DOCK11: variants seen among roughly 807,000 people sequenced by gnomAD.
DOCK11 encodes dedicator of cytokinesis protein 11.
DOCK11 carries 70 observed loss-of-function variants against 169.1 expected under a neutral mutation model. That is an observed-to-expected ratio of 0.41 (90% CI 0.34 to 0.51). The LOEUF is 0.51. Ranked by LOEUF, DOCK11 falls within the 20% of genes least tolerant of loss-of-function variation. The pLI is 0.10. For synonymous variants in DOCK11, 529 were observed against 541.3 expected, an observed-to-expected ratio of 0.98 and a Z score of 0.32; for missense variants, 1,166 against 1,538.8, an observed-to-expected ratio of 0.76 and a Z score of 4.05.
At chrX:118,610,214 G>A in intron 27 of DOCK11, 58 bp from the exon 28 acceptor site, 1 of 1,117,921 alleles carries the variant, frequency 8.9e-7, no homozygotes, top group East Asian at 3.0e-5. Flanking sequence ...AAGTAAAAAT[G>A]GCAATTGATT....
Position 118,649,017 on chromosome X carries a change from A to T in DOCK11, c.4471A>T (p.Thr1491Ser). 3 of 1,209,264 alleles carry T rather than the reference A, an allele frequency of 2.5e-6. No homozygotes were observed. Among genetic ancestry groups the T allele is most frequent in the Non-Finnish European group, 3.4e-6 (3 of 893,846 alleles). Residue 1491 changes from threonine to serine, a missense_variant, in exon 41 of 53, where the codon ACA becomes TCA. Thr to Ser is a moderately conservative substitution (Grantham distance 58). Coordinates refer to ENST00000276202, the MANE Select transcript of DOCK11 (RefSeq NM_144658.4). ...AFCYEVLKCCTSKISSTRNEA... is the reference protein window; with the variant it reads ...AFCYEVLKCCSSKISSTRNEA... ...TTGCTATGAGGTTTTAAAGTGCTGCACATCGAAGATTAGCTCAACCAGGAA... is the reference window on the plus strand; with the variant it reads ...TTGCTATGAGGTTTTAAAGTGCTGCTCATCGAAGATTAGCTCAACCAGGAA...
chrX:118,505,242 G>T (rs917197604), intron 1 of DOCK11, among the ~76,000 whole-genome samples: 2 of 112,006 alleles, frequency 1.8e-5, no homozygotes, highest in African/African-American at 6.5e-5. Flanking sequence ...GGCCAGGCTG[G>T]TCTCGAACTC....
intron 1 of DOCK11, among the ~76,000 whole-genome samples, chrX:118,531,055 G>A (rs2011524358): frequency 9.0e-6 from 1 of 111,436 alleles, no homozygotes; most frequent in South Asian, 3.8e-4. Flanking sequence ...CTAACCATTG[G>A]AATGAAGAGC....
At chrX:118,528,329 G>T (rs1332660151) in intron 1 of DOCK11, among the ~76,000 whole-genome samples, 1 of 112,421 alleles carries the variant, frequency 8.9e-6, no homozygotes, top group East Asian at 2.8e-4. Context: ...AAGCAGCAGA[G>T]AAATAAATGA....
chrX:118,536,292 T>C (rs374626046), intron 1 of DOCK11, among the ~76,000 whole-genome samples: 9 of 109,527 alleles, frequency 8.2e-5, no homozygotes, highest in African/African-American at 3.0e-4. Context: ...GAGTAAGACC[T>C]TGTCTCAAAA....
chrX:118,560,917 A>G (rs1483550433), intron 6 of DOCK11, among the ~76,000 whole-genome samples: 1 of 112,088 alleles, frequency 8.9e-6, no homozygotes, highest in Non-Finnish European at 1.9e-5. Flanking sequence ...TTTCAGAAGC[A>G]AAGACAGTGG....
chrX:118,598,005 T>C, intron 21 of DOCK11, 25 bp from the exon 22 acceptor site: 3 of 1,112,067 alleles, frequency 2.7e-6, no homozygotes, highest in Non-Finnish European at 3.7e-6. Flanking sequence ...TATTATGTTA[T>C]AGAATCTCAA....
intron 48 of DOCK11, among the ~76,000 whole-genome samples, chrX:118,676,993 A>G (rs951529194): frequency 9.0e-6 from 1 of 111,622 alleles, no homozygotes; most frequent in Non-Finnish European, 1.9e-5. Flanking sequence ...AAATGGAGAT[A>G]ATAATAGTAG....
intron 1 of DOCK11, among the ~76,000 whole-genome samples, chrX:118,501,209 G>A (rs1235422320): frequency 9.0e-6 from 1 of 111,583 alleles, no homozygotes; most frequent in Non-Finnish European, 1.9e-5. Flanking sequence ...ATCCAGGCAT[G>A]GTGGCTCACA....
intron 23 of DOCK11, among the ~76,000 whole-genome samples, chrX:118,600,400 CTT>C (rs1185842874): frequency 2.6e-5 from 2 of 78,247 alleles, no homozygotes; most frequent in African/African-American, 9.2e-5. Context: ...GGTTTGTTTT[CTT>C]TTTTTTTAAA....
In DOCK11 at chrX:118,496,090, C is replaced by G; in HGVS notation, c.102+17C>G. On this transcript the variant is annotated intron_variant, in intron 1 of 52. Transcript: ENST00000276202. ...GTGGTGCTGGTGAGTGGCCGGGGGA[C>G]GGGGCATCCCGGGGGACGCGCTCCA... is the stretch of plus-strand genomic sequence containing the variant. The G allele has an allele frequency of 1.0e-6, 1 of 968,682 alleles. No homozygotes were observed. Among genetic ancestry groups the G allele is most frequent in the Non-Finnish European group, 1.3e-6 (1 of 765,798 alleles). The allele number at this position is 968,682 out of a possible 1,213,427, so 79.8% of individuals were successfully genotyped here. A position where few individuals can be genotyped will look rare whatever the true frequency, so the allele number is the denominator to read the frequency against.
intron 6 of DOCK11, among the ~76,000 whole-genome samples, chrX:118,555,972 G>T (rs1311979619): frequency 1.8e-5 from 2 of 110,841 alleles, no homozygotes; most frequent in African/African-American, 6.6e-5. Flanking sequence ...TACCCCTCTA[G>T]GTAACACACA....
At chrX:118,498,407 A>G (rs2057551887) in intron 1 of DOCK11, among the ~76,000 whole-genome samples, 1 of 112,787 alleles carries the variant, frequency 8.9e-6, no homozygotes, top group South Asian at 3.6e-4. Context: ...AGCAAATGCT[A>G]TTTGTAAGCA....
At chrX:118,540,831 TATA>T (rs1410749754) in intron 1 of DOCK11, among the ~76,000 whole-genome samples, 2 of 112,099 alleles carry the variant, frequency 1.8e-5, no homozygotes, top group African/African-American at 6.5e-5. Flanking sequence ...CCGATGCTAT[TATA>T]ATATTAAGTC....
At chrX:118,558,179 G>A (rs148371452) in intron 6 of DOCK11, among the ~76,000 whole-genome samples, 4,225 of 109,435 alleles carry the variant, frequency 0.039, 109 homozygotes, top group Non-Finnish European at 0.058. Flanking sequence ...CACCATGTTG[G>A]CCAGGCTGGT....
At chrX:118,632,571 T>C (rs1168755163) in intron 35 of DOCK11, 1 of 111,627 alleles carries the variant, frequency 9.0e-6, no homozygotes, top group Non-Finnish European at 1.9e-5. Context: ...CCGGTAAATA[T>C]TGTTTTAGTT....
chrX:118,649,639 C>T (rs1302437669), intron 41 of DOCK11, among the ~76,000 whole-genome samples: 1 of 111,744 alleles, frequency 8.9e-6, no homozygotes, highest in Non-Finnish European at 1.9e-5. Context: ...CTGCCTCAGC[C>T]TCCCAAGTAG....
intron 1 of DOCK11, among the ~76,000 whole-genome samples, chrX:118,525,786 T>G (rs1411618011): frequency 9.2e-6 from 1 of 108,929 alleles, no homozygotes; most frequent in African/African-American, 3.3e-5. Flanking sequence ...CAGCGGTACT[T>G]GTTTGTGCTA....
intron 10 of DOCK11, 116 bp from the exon 11 acceptor site, chrX:118,572,207 G>T: frequency 4.8e-6 from 3 of 628,374 alleles, no homozygotes; most frequent in Non-Finnish European, 7.1e-6. Flanking sequence ...CATAAAAAGG[G>T]TTCAAATGAA....
Sources: gnomAD v4.1 joint callset for allele counts (sites outside exome capture counted in the v4.1 genomes callset) on GRCh38, gnomAD v4.1.1 for gene constraint, MANE v1.5 for transcripts, NCBI Gene and HGNC (gene_info 2026-07-23, HGNC 2026-07-21) for gene names.